The following CEP112 variants were observed in gnomAD, a reference collection of about 807,000 sequenced individuals.
CEP112 encodes the protein centrosomal protein 112, also known as centrosomal protein of 112 kDa.
A neutral mutation model predicts 153.0 loss-of-function variants in CEP112; 127 were observed. The ratio of observed to expected loss-of-function variants is 0.83; its 90% confidence interval spans 0.72 to 0.96. The LOEUF (loss-of-function observed/expected upper bound fraction) is 0.96. Ranked by LOEUF, CEP112 falls within the 40% of genes least tolerant of loss-of-function variation. CEP112 has a pLI of 0.00. For missense variants in CEP112, 1,089 were observed against 1,101.2 expected (o/e 0.99, Z 0.16); for synonymous variants, 358 against 374.4 (o/e 0.96, Z 0.51).
chr17:65,662,768 C>T (rs2046456548), intron 24 of CEP112, among the ~76,000 whole-genome samples: 1 of 152,038 alleles, frequency 6.6e-6, no homozygotes, highest in Admixed American at 6.5e-5. Context: ...ACGATGAATG[C>T]CACTCTTCAT....
At chr17:66,093,767 A>G (rs1450595683) in intron 8 of CEP112, among the ~76,000 whole-genome samples, 1 of 152,150 alleles carries the variant, frequency 6.6e-6, no homozygotes, top group Admixed American at 6.5e-5. Flanking sequence ...AGCAATCTAT[A>G]TATTTCATGC....
intron 23 of CEP112, among the ~76,000 whole-genome samples, chr17:65,740,799 A>G (rs1014987185): frequency 6.6e-6 from 1 of 152,216 alleles, no homozygotes; most frequent in African/African-American, 2.4e-5. Flanking sequence ...CTGAGTATCA[A>G]TATCTATTCA....
intron 23 of CEP112, among the ~76,000 whole-genome samples, chr17:65,711,676 C>T (rs1264137995): frequency 6.6e-6 from 1 of 152,162 alleles, no homozygotes; most frequent in Non-Finnish European, 1.5e-5. Context: ...ATGCCTGAGT[C>T]AAAGCATTTG....
chr17:65,936,793 T>TCTCCCCCTACCCCTCCTC, intron 18 of CEP112, among the ~76,000 whole-genome samples: 1 of 109,542 alleles, frequency 9.1e-6, no homozygotes, highest in Non-Finnish European at 1.9e-5. Context: ...TCCGTCTACC[T>TCTCCCCCTACCCCTCCTC]CTCCCCCTCC....
intron 21 of CEP112, among the ~76,000 whole-genome samples, chr17:65,842,945 A>G (rs72831450): frequency 0.056 from 8,585 of 152,028 alleles, 341 homozygotes; most frequent in South Asian, 0.12. Context: ...TTATCCTACA[A>G]TAGTACTCCA....
intron 21 of CEP112, among the ~76,000 whole-genome samples, chr17:65,791,845 A>G (rs2054608560): frequency 6.6e-6 from 1 of 152,230 alleles, no homozygotes; most frequent in Non-Finnish European, 1.5e-5. Context: ...CAAATAAAAT[A>G]CAATGAAATA....
intron 19 of CEP112, among the ~76,000 whole-genome samples, chr17:65,919,790 G>A (rs1310582396): frequency 6.6e-6 from 1 of 152,156 alleles, no homozygotes; most frequent in Non-Finnish European, 1.5e-5. Context: ...TTGCACATTT[G>A]AAGGAGGAGT....
At chr17:65,843,236 T>C (rs936508093) in intron 21 of CEP112, among the ~76,000 whole-genome samples, 1 of 152,180 alleles carries the variant, frequency 6.6e-6, no homozygotes, top group African/African-American at 2.4e-5. Context: ...GTAAATTAAA[T>C]TATTGTTATA....
chr17:66,012,475 C>T (rs928099881), intron 16 of CEP112, among the ~76,000 whole-genome samples: 1 of 152,118 alleles, frequency 6.6e-6, no homozygotes, highest in African/African-American at 2.4e-5. Context: ...CTTATTTCTC[C>T]TTTGCTTATA....
At chr17:65,976,825 A>G (rs1964280) in intron 17 of CEP112, among the ~76,000 whole-genome samples, 148,845 of 149,436 alleles carry the variant, frequency 1, 74,129 homozygotes, top group Middle Eastern at 1. Context: ...TGCAACCTCC[A>G]CCTCCCAGGT....
intron 8 of CEP112, among the ~76,000 whole-genome samples, chr17:66,081,225 A>T (rs2067704323): frequency 6.6e-6 from 1 of 152,182 alleles, no homozygotes; most frequent in Admixed American, 6.5e-5. Context: ...TCTTCATATA[A>T]AGTTCAAAAT....
At position 65,666,803 on chromosome 17, in the gene CEP112, T is replaced by C. The variant is rs545421935; in HGVS notation, c.2697+22326A>G. On this transcript the variant is annotated intron_variant, in intron 24 of 26. Transcript: ENST00000535342. ...AAAAAAAACACTTCACTTTTGAGCA[T>C]TCATGAGGCAGTATTCTTTTCAAAT... Among the ~76,000 whole-genome samples, 14 of 152,300 alleles carry C rather than the reference T, an allele frequency of 9.2e-5. No homozygotes were observed. The South Asian group carries it at 1.0e-3, about 11-fold the overall frequency.
At chr17:65,981,207 T>C (rs2145137083) in intron 17 of CEP112, among the ~76,000 whole-genome samples, 1 of 152,284 alleles carries the variant, frequency 6.6e-6, no homozygotes, top group East Asian at 1.9e-4. Context: ...TTTTACTATA[T>C]GGAAGAATAA....
intron 21 of CEP112, among the ~76,000 whole-genome samples, chr17:65,790,727 C>T (rs780976426): frequency 3.9e-5 from 6 of 152,140 alleles, no homozygotes; most frequent in Non-Finnish European, 7.3e-5. Context: ...TGGCTCCCAC[C>T]CAGGGGCCTT....
intron 18 of CEP112, among the ~76,000 whole-genome samples, chr17:65,929,451 A>T (rs992269196): frequency 6.6e-6 from 1 of 152,300 alleles, no homozygotes; most frequent in Non-Finnish European, 1.5e-5. Context: ...TTCTCAAAGT[A>T]TTGAGGCTTT....
intron 21 of CEP112, among the ~76,000 whole-genome samples, chr17:65,844,584 A>G (rs1463376834): frequency 6.6e-6 from 1 of 151,202 alleles, no homozygotes; most frequent in African/African-American, 2.4e-5. Context: ...ACTCAGGAGT[A>G]TGAGGCGGGA....
intron 23 of CEP112, among the ~76,000 whole-genome samples, chr17:65,712,041 CAG>C (rs2049215698): frequency 6.6e-6 from 1 of 152,200 alleles, no homozygotes; most frequent in South Asian, 2.1e-4. Flanking sequence ...ATTTGCATCA[CAG>C]AGTCCATCGA....
At chr17:65,821,540 A>ATTTTTTTTTTT (rs869059954) in intron 21 of CEP112, among the ~76,000 whole-genome samples, 1 of 33,642 alleles carries the variant, frequency 3.0e-5, no homozygotes, top group Non-Finnish European at 4.7e-5. Context: ...ATATATATAT[A>ATTTTTTTTTTT]TTTTTTTTTT....
At chr17:65,794,256 A>C (rs1260292013) in intron 21 of CEP112, among the ~76,000 whole-genome samples, 1 of 152,210 alleles carries the variant, frequency 6.6e-6, no homozygotes, top group African/African-American at 2.4e-5. Context: ...CCCCATGACA[A>C]AATATTTCGC....
Sources: allele counts gnomAD v4.1 joint callset (sites outside exome capture counted in the v4.1 genomes callset), GRCh38; gene constraint gnomAD v4.1.1; transcripts MANE v1.5; gene names NCBI Gene and HGNC (gene_info 2026-07-23, HGNC 2026-07-21).